SSBP3: variants seen among roughly 807,000 people sequenced by gnomAD.
The protein encoded by SSBP3 is single stranded DNA binding protein 3.
Under a neutral mutation model 69.6 loss-of-function variants are expected in SSBP3, and 5 were observed. That is an observed-to-expected ratio of 0.07 (90% confidence interval 0.04 to 0.15). SSBP3 has a LOEUF of 0.15. SSBP3 is among the 10% of genes least tolerant of loss of function. The pLI is 1.00. For synonymous variants in SSBP3, 196 were observed against 193.4 expected (o/e 1.01, Z -0.11); for missense variants, 312 against 534.0 (o/e 0.58, Z 4.10).
At chr1:54,351,415 C>T (rs1557555578) in intron 4 of SSBP3, among the ~76,000 whole-genome samples, 1 of 152,178 alleles carries the variant, frequency 6.6e-6, no homozygotes, top group Non-Finnish European at 1.5e-5. Context: ...CAGGCAGAGC[C>T]TGAAGAGCCG....
At chr1:54,294,142 CAAA>C (rs1223376233) in intron 4 of SSBP3, among the ~76,000 whole-genome samples, 226 of 41,490 alleles carry the variant, frequency 5.4e-3, no homozygotes, top group African/African-American at 0.019. Context: ...GACTCCATCT[CAAA>C]AAAAAAAAAA....
At chr1:54,339,889 G>A (rs747943201) in intron 4 of SSBP3, among the ~76,000 whole-genome samples, 8 of 151,868 alleles carry the variant, frequency 5.3e-5, no homozygotes, top group Non-Finnish European at 7.4e-5. Context: ...ACTCCAGCAC[G>A]GGCAAAAAAG....
intron 4 of SSBP3, among the ~76,000 whole-genome samples, chr1:54,300,480 T>C (rs1040138296): frequency 6.6e-6 from 1 of 152,068 alleles, no homozygotes; most frequent in Non-Finnish European, 1.5e-5. Context: ...TCGGTCAACA[T>C]TTGCTGTTGC....
chr1:54,333,003 G>A (rs1427045944), intron 4 of SSBP3, among the ~76,000 whole-genome samples: 1 of 152,172 alleles, frequency 6.6e-6, no homozygotes, highest in East Asian at 1.9e-4. Flanking sequence ...CAGTTCTGCT[G>A]CGCTTGACAA....
Position 54,284,331 on chromosome 1 carries a change from C to A in SSBP3, c.277-2804G>T, listed in dbSNP as rs188231144. 8.6e-5 allele frequency among the ~76,000 whole-genome samples: 13 copies of A among 152,036 alleles called. No homozygotes were observed. In the East Asian group the frequency reaches 2.5e-3, roughly 29 times the overall value. On this transcript the variant is annotated intron_variant, in intron 4 of 17. Transcript: ENST00000610401. Reference sequence around the variant, plus strand: ...CGGTATTCTGAGTTACCTCTTAGGTCATTACCTTTTGAAATGGTTTGCATT... The same window carrying A: ...CGGTATTCTGAGTTACCTCTTAGGTAATTACCTTTTGAAATGGTTTGCATT...
At chr1:54,410,755 A>G (rs1464653039), upstream of SSBP3, among the ~76,000 whole-genome samples, 1 of 152,170 alleles carries the variant, frequency 6.6e-6, no homozygotes, top group Non-Finnish European at 1.5e-5. Flanking sequence ...TGCAATGAGT[A>G]TGTTAATGCC....
intron 5 of SSBP3, among the ~76,000 whole-genome samples, chr1:54,275,326 G>C (rs763406823): frequency 3.9e-5 from 6 of 152,340 alleles, no homozygotes; most frequent in Middle Eastern, 3.4e-3. Flanking sequence ...CTAGTAACAG[G>C]CTTCGGAAAC....
chr1:54,410,014 G>A (rs1649948145), upstream of SSBP3, among the ~76,000 whole-genome samples: 1 of 152,196 alleles, frequency 6.6e-6, no homozygotes, highest in Non-Finnish European at 1.5e-5. Context: ...CGGGGCAGGT[G>A]TGCCCTCTGT....
intron 4 of SSBP3, among the ~76,000 whole-genome samples, chr1:54,304,895 C>T (rs2100213806): frequency 6.6e-6 from 1 of 152,250 alleles, no homozygotes; most frequent in South Asian, 2.1e-4. Flanking sequence ...AACAGAGAAA[C>T]ACATTCTCAG....
At chr1:54,291,616 A>C (rs955227861) in intron 4 of SSBP3, among the ~76,000 whole-genome samples, 2 of 152,214 alleles carry the variant, frequency 1.3e-5, no homozygotes, top group Non-Finnish European at 2.9e-5. Context: ...GTACTGCTGG[A>C]GAGATGCAAG....
intron 4 of SSBP3, among the ~76,000 whole-genome samples, chr1:54,369,970 A>G (rs993010913): frequency 7.9e-5 from 12 of 152,182 alleles, no homozygotes; most frequent in Non-Finnish European, 1.3e-4. Flanking sequence ...AAGAGAAATC[A>G]AAATGTGGAG....
chr1:54,308,272 C>T, intron 4 of SSBP3, among the ~76,000 whole-genome samples: 1 of 152,208 alleles, frequency 6.6e-6, no homozygotes, highest in East Asian at 1.9e-4. Context: ...GCCTGGCCAA[C>T]ATGGTGAAAT....
At chr1:54,398,365 G>A (rs1189680970) in intron 4 of SSBP3, among the ~76,000 whole-genome samples, 1 of 152,172 alleles carries the variant, frequency 6.6e-6, no homozygotes, top group African/African-American at 2.4e-5. Context: ...TCATTTCTTG[G>A]CCTTCCAAAT....
intron 6 of SSBP3, among the ~76,000 whole-genome samples, chr1:54,257,554 G>A (rs1644944150): frequency 6.6e-6 from 1 of 152,116 alleles, no homozygotes; most frequent in African/African-American, 2.4e-5. Flanking sequence ...ACATCTTAAG[G>A]GCCTGCAGAC....
chr1:54,345,224 A>G (rs986053841), intron 4 of SSBP3, among the ~76,000 whole-genome samples: 2 of 152,210 alleles, frequency 1.3e-5, no homozygotes, highest in African/African-American at 4.8e-5. Flanking sequence ...AAACTAACTT[A>G]CACTTGGCTT....
chr1:54,258,340 G>A lies in SSBP3; in HGVS notation c.367-191C>T, dbSNP rs375969899. 3.2e-4 allele frequency among the ~76,000 whole-genome samples: 49 copies of A among 152,310 alleles called. 1 individual carries two copies. In the South Asian group the frequency reaches 5.8e-3, roughly 18 times the overall value. On this transcript the variant is annotated intron_variant, in intron 5 of 17. Coordinates refer to ENST00000610401, the Ensembl canonical transcript of SSBP3. This position sits in a 1 kb window ranked among gnomAD's most constrained non-coding sequence, Gnocchi z 4.5. Reference sequence around the variant, plus strand: ...GGCTCAACGGTGTAAAACGGCGAGCGGGAGCGAGAGAAGCTGATAAATACA... The same window carrying A: ...GGCTCAACGGTGTAAAACGGCGAGCAGGAGCGAGAGAAGCTGATAAATACA...
chr1:54,389,624 C>T (rs964739786), intron 4 of SSBP3, among the ~76,000 whole-genome samples: 37 of 151,914 alleles, frequency 2.4e-4, no homozygotes, highest in Admixed American at 1.1e-3. Flanking sequence ...TTTGGGAGGC[C>T]GAGGCAGGAG....
chr1:54,313,215 C>T (rs1243874629), intron 4 of SSBP3, among the ~76,000 whole-genome samples: 6 of 151,938 alleles, frequency 3.9e-5, no homozygotes, highest in Admixed American at 6.6e-5. Flanking sequence ...AGGGACCAAT[C>T]GGGGTAATCA....
chr1:54,278,348 G>A (rs1022588012), intron 5 of SSBP3, among the ~76,000 whole-genome samples: 2 of 151,830 alleles, frequency 1.3e-5, no homozygotes, highest in Admixed American at 1.3e-4. Context: ...TTAAAGGTGA[G>A]GTGTGGTCAG....
Sources: allele counts gnomAD v4.1 joint callset (sites outside exome capture counted in the v4.1 genomes callset), GRCh38; gene constraint gnomAD v4.1.1; non-coding constraint Gnocchi (gnomAD v3.1); transcripts MANE v1.5; gene names NCBI Gene and HGNC (gene_info 2026-07-23, HGNC 2026-07-21).